MYH10: variants seen among roughly 807,000 people sequenced by gnomAD.
MYH10 encodes the protein myosin heavy chain 10.
Under a neutral mutation model 257.8 loss-of-function variants are expected in MYH10, and 55 were observed. The ratio of observed to expected loss-of-function variants is 0.21; its 90% CI spans 0.17 to 0.27. The LOEUF (loss-of-function observed/expected upper bound fraction) is 0.27, where lower values mean the gene tolerates loss of function less well. Ranked by LOEUF, MYH10 falls within the 10% of genes least tolerant of loss-of-function variation. The pLI, the probability that MYH10 is intolerant of heterozygous loss-of-function variation, is 1.00. For missense variants in MYH10, 1,631 were observed against 2,500.6 expected (o/e 0.65, Z 7.42); for synonymous variants, 854 against 921.7 (o/e 0.93, Z 1.33).
At chr17:8,606,495 A>T (rs1465681897) in intron 2 of MYH10, among the ~76,000 whole-genome samples, 1 of 152,172 alleles carries the variant, frequency 6.6e-6, no homozygotes, top group African/African-American at 2.4e-5. Context: ...TTCCCCAGGG[A>T]ACACTAAGGG....
intron 3 of MYH10, among the ~76,000 whole-genome samples, chr17:8,601,999 G>A (rs969279942): frequency 1.4e-4 from 19 of 135,554 alleles, no homozygotes; most frequent in African/African-American, 5.3e-4. Context: ...TTTTTGAGAC[G>A]GAGTCTCGTT....
chr17:8,494,474 TG>T (rs1332304557), intron 31 of MYH10, among the ~76,000 whole-genome samples: 3 of 152,174 alleles, frequency 2.0e-5, no homozygotes, highest in Non-Finnish European at 4.4e-5. Context: ...TTGTCATGCA[TG>T]GGGTGTGCTT....
At chr17:8,563,609 T>C (rs1455188662) in intron 7 of MYH10, among the ~76,000 whole-genome samples, 3 of 152,238 alleles carry the variant, frequency 2.0e-5, no homozygotes, top group Non-Finnish European at 2.9e-5. Flanking sequence ...ATTCTGTCAC[T>C]GATACTGTCA....
At chr17:8,581,953 G>C (rs1234756512) in intron 4 of MYH10, among the ~76,000 whole-genome samples, 1 of 152,178 alleles carries the variant, frequency 6.6e-6, no homozygotes, top group Non-Finnish European at 1.5e-5. Flanking sequence ...CTGAGGCTCA[G>C]TTTATATGCC....
At chr17:8,563,626 C>T (rs186466480) in intron 7 of MYH10, among the ~76,000 whole-genome samples, 1 of 152,278 alleles carries the variant, frequency 6.6e-6, no homozygotes, top group Non-Finnish European at 1.5e-5. Context: ...GTCACATTTG[C>T]CTCAGTAAAT....
Position 8,506,959 on chromosome 17 carries a change from G to A in MYH10, c.3215-470C>T. On this transcript the variant is annotated intron_variant, in intron 26 of 42. Transcript: ENST00000360416. The surrounding 1 kb of genome is among the most constrained non-coding windows in gnomAD (Gnocchi z 5.0). ...GAGAGGAGACAGAAGAGTGGGCAGA[G>A]AGGGCCAGGCCTTTTCTCCACCCTC... is the stretch of plus-strand genomic sequence containing the variant. Among the ~76,000 whole-genome samples, 1 of 152,230 alleles carries A rather than the reference G, an allele frequency of 6.6e-6. No individual in the cohort carries two copies. The highest frequency in any genetic ancestry group is 2.4e-5 in the African/African-American group (1 of 41,464).
At chr17:8,579,361 ATCT>A (rs2152025691) in intron 4 of MYH10, among the ~76,000 whole-genome samples, 1 of 152,274 alleles carries the variant, frequency 6.6e-6, no homozygotes, top group Admixed American at 6.5e-5. Flanking sequence ...TGGTTGCATT[ATCT>A]TCTTAACTCT....
intron 12 of MYH10, 61 bp downstream of exon 12, chr17:8,546,483 G>T (rs764381585): frequency 5.2e-6 from 7 of 1,357,440 alleles, no homozygotes; most frequent in Non-Finnish European, 7.3e-6. Context: ...CAATCAGAAG[G>T]CCAAATGGCC....
chr17:8,523,170 C>T (rs2081714779), intron 17 of MYH10, among the ~76,000 whole-genome samples: 2 of 152,166 alleles, frequency 1.3e-5, no homozygotes, highest in South Asian at 4.2e-4. Flanking sequence ...ACCTGACCAC[C>T]CAGAGCCAGC....
chr17:8,605,997 GTATT>G (rs1197176392), intron 2 of MYH10, among the ~76,000 whole-genome samples: 1 of 151,884 alleles, frequency 6.6e-6, no homozygotes, highest in African/African-American at 2.4e-5. Context: ...TCTTAAAAAT[GTATT>G]TACTTATGTT....
intron 13 of MYH10, among the ~76,000 whole-genome samples, chr17:8,542,704 C>T (rs746835472): frequency 9.2e-5 from 14 of 152,128 alleles, no homozygotes; most frequent in Non-Finnish European, 1.9e-4. Flanking sequence ...AGGTGGTGGG[C>T]GCGCTTCTGA....
chr17:8,609,107 A>G (rs1258185625), intron 2 of MYH10, among the ~76,000 whole-genome samples: 3 of 152,200 alleles, frequency 2.0e-5, no homozygotes, highest in African/African-American at 7.2e-5. Context: ...CACCGCGCCC[A>G]GCCGATTGGG....
intron 4 of MYH10, among the ~76,000 whole-genome samples, chr17:8,577,636 A>G (rs1490408670): frequency 6.6e-6 from 1 of 152,106 alleles, no homozygotes. Flanking sequence ...GCTTCAAGGA[A>G]TTTTTGTGCC....
chr17:8,504,843 T>C lies in MYH10; in HGVS notation c.3450A>G (p.Gln1150=), dbSNP rs2081021882. Residue 1150 remains glutamine (Q), a synonymous_variant, in exon 28 of 43, where the codon CAA becomes CAG. Coordinates refer to ENST00000360416, the MANE Select transcript of MYH10 (RefSeq NM_001256012.3). This position sits in a 1 kb window ranked among gnomAD's most constrained non-coding sequence, Gnocchi z 5.6. ...ALKVVRELQA[Q]IAELQEDFES... ...CAAAGTCTTCCTGAAGTTCAGCAAT[T>C]TGGGCTTGTAGCTCTCGCACAACTT... is the stretch of plus-strand genomic sequence containing the variant. 6.2e-7 allele frequency: 1 copy of C among 1,614,234 alleles called. No individual in the cohort carries two copies. The highest frequency in any genetic ancestry group is 8.5e-7 in the Non-Finnish European group (1 of 1,180,054).
chr17:8,566,230 C>G (rs1387338897), intron 7 of MYH10, among the ~76,000 whole-genome samples: 1 of 152,172 alleles, frequency 6.6e-6, no homozygotes, highest in African/African-American at 2.4e-5. Context: ...CTACATACAT[C>G]AATGATGGAA....
intron 2 of MYH10, among the ~76,000 whole-genome samples, chr17:8,610,745 C>T (rs186075756): frequency 1.6e-4 from 24 of 152,338 alleles, no homozygotes; most frequent in Non-Finnish European, 2.6e-4. Context: ...GAAGGCCCCA[C>T]CAGATGCAGC....
chr17:8,507,774 C>A (rs1261146617), intron 26 of MYH10, among the ~76,000 whole-genome samples: 3 of 152,152 alleles, frequency 2.0e-5, no homozygotes, highest in African/African-American at 7.2e-5. Context: ...GAGTTTGAGA[C>A]CAGCCTGACC....
chr17:8,598,126 C>T (rs1298006117), intron 3 of MYH10, among the ~76,000 whole-genome samples: 5 of 152,098 alleles, frequency 3.3e-5, no homozygotes, highest in Admixed American at 6.6e-5. Context: ...GGACTACAGT[C>T]GCATGCCACC....
At chr17:8,586,142 T>A (rs932296245) in intron 4 of MYH10, among the ~76,000 whole-genome samples, 1 of 152,174 alleles carries the variant, frequency 6.6e-6, no homozygotes, top group Non-Finnish European at 1.5e-5. Flanking sequence ...CAGCTGTTCA[T>A]CAGCATCAAA....
Sources: allele counts gnomAD v4.1 joint callset (sites outside exome capture counted in the v4.1 genomes callset), GRCh38; gene constraint gnomAD v4.1.1; non-coding constraint Gnocchi (gnomAD v3.1); transcripts MANE v1.5; gene names NCBI Gene and HGNC (gene_info 2026-07-23, HGNC 2026-07-21).